Variants in SVIL observed in about 807,000 individuals in gnomAD.
SVIL encodes the protein archvillin.
SVIL carries 101 observed loss-of-function variants against 240.4 expected under a neutral mutation model. The ratio of observed to expected loss-of-function variants is 0.42; its 90% confidence interval spans 0.36 to 0.50. The LOEUF (loss-of-function observed/expected upper bound fraction) is 0.50, where lower values mean the gene tolerates loss of function less well. SVIL is among the 20% of genes least tolerant of loss of function. SVIL has a pLI of 0.01. For synonymous variants in SVIL, 999 were observed against 1,100.0 expected (o/e 0.91, Z 1.82); for missense variants, 2,512 against 2,818.7 (o/e 0.89, Z 2.46).
At chr10:29,731,419 A>G (rs1434539919) in intron 1 of SVIL, among the ~76,000 whole-genome samples, 1 of 152,236 alleles carries the variant, frequency 6.6e-6, no homozygotes, top group South Asian at 2.1e-4. Context: ...ACAAATGCAA[A>G]AACAACAGAA....
chr10:29,674,041 A>G (rs1263411732), intron 2 of SVIL, among the ~76,000 whole-genome samples: 1 of 151,998 alleles, frequency 6.6e-6, no homozygotes, highest in Non-Finnish European at 1.5e-5. Context: ...TTTTTTTTGA[A>G]AAGGTGGGGC....
At chr10:29,564,772 T>A (rs966088279) in intron 2 of SVIL, among the ~76,000 whole-genome samples, 2 of 152,220 alleles carry the variant, frequency 1.3e-5, no homozygotes, top group Admixed American at 6.5e-5. Context: ...GTGTTCACAT[T>A]ATTTAATGAA....
At chr10:29,557,463 G>T (rs747705699) in intron 3 of SVIL, among the ~76,000 whole-genome samples, 29 of 152,010 alleles carry the variant, frequency 1.9e-4, no homozygotes, top group African/African-American at 6.0e-4. Flanking sequence ...TTAATAAACC[G>T]AGTATCATGT....
intron 6 of SVIL, among the ~76,000 whole-genome samples, chr10:29,547,140 A>G (rs1415754360): frequency 1.3e-5 from 2 of 152,150 alleles, no homozygotes; most frequent in African/African-American, 2.4e-5. Flanking sequence ...TCAGAAAATG[A>G]CTTTCTGAAA....
intron 16 of SVIL, among the ~76,000 whole-genome samples, chr10:29,522,030 A>T (rs1224343203): frequency 6.6e-6 from 1 of 152,242 alleles, no homozygotes; most frequent in Admixed American, 6.5e-5. Context: ...TGCATTCAGT[A>T]TGAACCCTGT....
At chr10:29,703,612 G>C (rs1035039465) in intron 1 of SVIL, among the ~76,000 whole-genome samples, 1 of 152,220 alleles carries the variant, frequency 6.6e-6, no homozygotes, top group Non-Finnish European at 1.5e-5. Flanking sequence ...GGAACCAGCA[G>C]GCAGGCATCA....
At chr10:29,464,782 G>A (rs541405075) in intron 34 of SVIL, among the ~76,000 whole-genome samples, 55 of 151,672 alleles carry the variant, frequency 3.6e-4, no homozygotes, top group African/African-American at 1.2e-3. Flanking sequence ...TGAGGTCCCT[G>A]GCTGCAGCTC....
At chr10:29,553,760 A>G (rs1413347669) in intron 5 of SVIL, among the ~76,000 whole-genome samples, 1 of 152,234 alleles carries the variant, frequency 6.6e-6, no homozygotes, top group Non-Finnish European at 1.5e-5. Context: ...TGCACTCAAC[A>G]TACTGTTTAA....
chr10:29,695,095 C>T (rs1405968370), intron 1 of SVIL, among the ~76,000 whole-genome samples: 1 of 151,966 alleles, frequency 6.6e-6, no homozygotes, highest in Non-Finnish European at 1.5e-5. Flanking sequence ...GAGAGACCTC[C>T]GGGTCCCAAA....
At chr10:29,670,978 T>C (rs1228464635) in intron 2 of SVIL, 2 of 152,098 alleles carry the variant, frequency 1.3e-5, no homozygotes, top group Non-Finnish European at 2.9e-5. Flanking sequence ...TCCTCTTTCC[T>C]CCCATCCAAC....
At chr10:29,678,418 G>A (rs1960368043) in intron 2 of SVIL, among the ~76,000 whole-genome samples, 1 of 152,116 alleles carries the variant, frequency 6.6e-6, no homozygotes, top group Admixed American at 6.6e-5. Flanking sequence ...TGCTACTGCT[G>A]ATCCGACAGG....
At chr10:29,586,337 G>A (rs141476964) in intron 1 of SVIL, among the ~76,000 whole-genome samples, 103 of 152,132 alleles carry the variant, frequency 6.8e-4, no homozygotes, top group Admixed American at 2.0e-3. Flanking sequence ...TATGGGGTAC[G>A]GAGTGATGTT....
Position 29,490,833 on chromosome 10 carries a change from G to A in SVIL, c.4192+14C>T, listed in dbSNP as rs753370461. On this transcript the variant is annotated intron_variant, in intron 22 of 37. Transcript: ENST00000355867. ...TCCCAAACACAGAAGCAGGGTGGGG[G>A]TTCAAATACTCACTCTTTTCTACTT... 20 of 1,613,170 alleles carry A rather than the reference G, an allele frequency of 1.2e-5. No homozygotes were observed. The highest frequency in any genetic ancestry group is 2.2e-5 in the East Asian group (1 of 44,858).
At chr10:29,476,974 T>C (rs1946262531) in intron 29 of SVIL, among the ~76,000 whole-genome samples, 1 of 152,128 alleles carries the variant, frequency 6.6e-6, no homozygotes, top group Non-Finnish European at 1.5e-5. Context: ...GCGATTCTCC[T>C]GCCTCAGCCT....
intron 3 of SVIL, among the ~76,000 whole-genome samples, chr10:29,642,723 G>A (rs184360170): frequency 4.6e-5 from 7 of 151,934 alleles, no homozygotes; most frequent in South Asian, 2.1e-4. Flanking sequence ...TCACTCTGTC[G>A]CCCAGGCTGG....
At chr10:29,611,684 G>A (rs536642379) in intron 1 of SVIL, among the ~76,000 whole-genome samples, 3 of 152,290 alleles carry the variant, frequency 2.0e-5, no homozygotes, top group African/African-American at 7.2e-5. Context: ...AAGGTAGGCA[G>A]GACCCCAGCT....
At chr10:29,545,598 T>C (rs923668624) in intron 6 of SVIL, among the ~76,000 whole-genome samples, 1 of 152,084 alleles carries the variant, frequency 6.6e-6, no homozygotes, top group African/African-American at 2.4e-5. Flanking sequence ...GGCTCACGCC[T>C]GTAATCCCAG....
intron 3 of SVIL, among the ~76,000 whole-genome samples, chr10:29,556,251 T>A (rs1564634349): frequency 6.6e-6 from 1 of 152,158 alleles, no homozygotes; most frequent in African/African-American, 2.4e-5. Context: ...GTGACTCCTA[T>A]GAAGGACTCA....
In SVIL at chr10:29,486,238, A is replaced by T; in HGVS notation, c.4634-8T>A. ...CTTTTGGGTCTCCAGCAGCTTGGGG[A>T]TAAGAAGAACAGGAGAGCATCACAT... On this transcript the variant is annotated splice_region_variant and splice_polypyrimidine_tract_variant and intron_variant, in intron 25 of 37. Transcript: ENST00000355867. 5.0e-6 allele frequency: 8 copies of T among 1,614,082 alleles called. No individual in the cohort carries two copies. The highest frequency in any genetic ancestry group is 6.8e-6 in the Non-Finnish European group (8 of 1,179,946).
Sources: allele counts gnomAD v4.1 joint callset (sites outside exome capture counted in the v4.1 genomes callset), GRCh38; gene constraint gnomAD v4.1.1; transcripts MANE v1.5; gene names NCBI Gene and HGNC (gene_info 2026-07-23, HGNC 2026-07-21).